The following DTX1 variants were observed in gnomAD, a reference collection of about 807,000 sequenced individuals.
DTX1 encodes the protein deltex E3 ubiquitin ligase 1.
A neutral mutation model predicts 57.8 loss-of-function variants in DTX1; 26 were observed. The observed-to-expected ratio is 0.45, with a 90% CI of 0.33 to 0.62. DTX1 has a LOEUF of 0.62. Ranked by LOEUF, DTX1 falls within the 20% of genes least tolerant of loss-of-function variation. DTX1 has a pLI of 0.02. For synonymous variants in DTX1, 398 were observed against 394.1 expected (o/e 1.01, Z -0.12); for missense variants, 704 against 895.3 (o/e 0.79, Z 2.73).
chr12:113,057,338 C>G (rs937358458), intron 1 of DTX1, 111 bp from the exon 2 acceptor site: 2 of 152,688 alleles, frequency 1.3e-5, no homozygotes, highest in African/African-American at 4.8e-5. Context: ...GCCCCCCTTG[C>G]TGTCCCCCTT....
At chr12:113,068,864 A>G (rs1056560090) in intron 2 of DTX1, among the ~76,000 whole-genome samples, 5 of 152,224 alleles carry the variant, frequency 3.3e-5, no homozygotes, top group African/African-American at 1.2e-4. Context: ...GAGGGCTGAC[A>G]GTGGAAGTCG....
rs1950267877 is a variant in DTX1, at chr12:113,094,111, ATGGGGGGGC to A, written c.1227+19_1227+27del. On this transcript the variant is annotated intron_variant, in intron 6 of 9. Coordinates refer to ENST00000548759, the MANE Select transcript of DTX1 (RefSeq NM_004416.3). ...ACCCACCTGATGAGGTGAGGAGGGG[ATGGGGGGGC>A]TGGGGGAGGGCCCTGGCATGGAGGG... 1.4e-5 allele frequency: 8 copies of A among 562,310 alleles called. No individual in the cohort carries two copies. Among genetic ancestry groups the A allele is most frequent in the Non-Finnish European group, 2.6e-5 (8 of 308,912 alleles). The allele number at this position is 562,310 out of a possible 1,614,324, so 34.8% of individuals were successfully genotyped here.
chr12:113,060,652 A>G (rs1432288666), intron 2 of DTX1, among the ~76,000 whole-genome samples: 1 of 152,212 alleles, frequency 6.6e-6, no homozygotes, highest in African/African-American at 2.4e-5. Context: ...CAGCCACGCA[A>G]AGAACTTTGA....
intron 2 of DTX1, among the ~76,000 whole-genome samples, chr12:113,067,209 T>A (rs1285480866): frequency 6.6e-6 from 1 of 151,436 alleles, no homozygotes; most frequent in East Asian, 2.0e-4. Context: ...CTTTGTCCCC[T>A]CCCCCTCCAA....
intron 2 of DTX1, among the ~76,000 whole-genome samples, chr12:113,076,458 G>GAAA (rs56382675): frequency 1.6e-5 from 2 of 126,520 alleles, no homozygotes; most frequent in African/African-American, 2.9e-5. Context: ...ACTCTGCCTG[G>GAAA]AAAAAAAAAA....
At chr12:113,066,920 C>T (rs737633) in intron 2 of DTX1, among the ~76,000 whole-genome samples, 22,859 of 151,974 alleles carry the variant, frequency 0.15, 2,365 homozygotes, top group Middle Eastern at 0.33. Context: ...CCTCTAGGTC[C>T]CGCATAGTTG....
In DTX1 at chr12:113,077,289, A is replaced by G. The variant is rs2044778892; in HGVS notation, c.260-135A>G. 6.9e-6 allele frequency: 7 copies of G among 1,008,602 alleles called. No individual in the cohort carries two copies. The highest frequency in any genetic ancestry group is 9.9e-6 in the Non-Finnish European group (7 of 708,886). The allele number at this position is 1,008,602 out of a possible 1,614,324, so 62.5% of individuals were successfully genotyped here. A position where few individuals can be genotyped will look rare whatever the true frequency, so the allele number is the denominator to read the frequency against. ...CGTGCATGTGTTGACCCTCTCCCCA[A>G]GTCTGGGTGGACCCCCTGGAGGCCT... On this transcript the variant is annotated intron_variant, in intron 2 of 9. Transcript: ENST00000548759. The surrounding 1 kb of genome is among the most constrained non-coding windows in gnomAD (Gnocchi z 7.8).
chr12:113,095,989 C>T (rs532533831), intron 9 of DTX1, among the ~76,000 whole-genome samples: 6 of 152,222 alleles, frequency 3.9e-5, no homozygotes, highest in South Asian at 4.1e-4. Context: ...GGGCAGATCA[C>T]GAGATCAGGA....
chr12:113,092,882 G>T (rs1310039715), intron 3 of DTX1, among the ~76,000 whole-genome samples: 1 of 152,238 alleles, frequency 6.6e-6, no homozygotes, highest in African/African-American at 2.4e-5. Context: ...GAGCCAAAGC[G>T]CCCTCTCGAG....
intron 3 of DTX1, among the ~76,000 whole-genome samples, chr12:113,087,777 T>C (rs2044873369): frequency 6.6e-6 from 1 of 151,042 alleles, no homozygotes; most frequent in Non-Finnish European, 1.5e-5. Context: ...ACCTGGAAAC[T>C]AGCATCAGAG....
chr12:113,095,600 A>C (rs1324321378), intron 9 of DTX1, 186 bp downstream of exon 9: 8 of 716,320 alleles, frequency 1.1e-5, no homozygotes, highest in Non-Finnish European at 1.8e-5. Context: ...TGAGCCACTG[A>C]GGTCAAGATC....
intron 3 of DTX1, among the ~76,000 whole-genome samples, chr12:113,084,208 G>A (rs993865301): frequency 6.6e-6 from 1 of 152,230 alleles, no homozygotes; most frequent in African/African-American, 2.4e-5. Context: ...ACCTGCGGGG[G>A]TGGGGAAGAT....
chr12:113,067,712 C>G (rs2136426151), intron 2 of DTX1, among the ~76,000 whole-genome samples: 1 of 152,296 alleles, frequency 6.6e-6, no homozygotes, highest in Non-Finnish European at 1.5e-5. Context: ...TTTCTGAAAT[C>G]TGGACTGGTG....
intron 3 of DTX1, among the ~76,000 whole-genome samples, chr12:113,080,949 TGA>T (rs1358399451): frequency 6.7e-6 from 1 of 148,784 alleles, no homozygotes; most frequent in Admixed American, 6.8e-5. Flanking sequence ...CACTGCAGCC[TGA>T]GAGACAGAGC....
At chr12:113,094,392 C>G (rs1243061156) in intron 6 of DTX1, among the ~76,000 whole-genome samples, 1 of 152,122 alleles carries the variant, frequency 6.6e-6, no homozygotes, top group East Asian at 1.9e-4. Context: ...GGGGAGCCAT[C>G]TTCCTCTGTG....
intron 2 of DTX1, among the ~76,000 whole-genome samples, chr12:113,071,258 C>A (rs1049051263): frequency 6.6e-6 from 1 of 152,348 alleles, no homozygotes; most frequent in Non-Finnish European, 1.5e-5. Flanking sequence ...TGGCCGCCCC[C>A]ACACCCGGTC....
At chr12:113,070,085 C>T (rs543444604) in intron 2 of DTX1, among the ~76,000 whole-genome samples, 23 of 152,282 alleles carry the variant, frequency 1.5e-4, no homozygotes, top group African/African-American at 5.1e-4. Flanking sequence ...AGATGGCATC[C>T]GGTGTGCTCC....
Position 113,059,908 on chromosome 12 carries a change from T to C in DTX1, c.259+1457T>C, listed in dbSNP as rs144805307. Among the ~76,000 whole-genome samples, 24 of 152,332 alleles carry C rather than the reference T, an allele frequency of 1.6e-4. No individual in the cohort carries two copies. In the East Asian group the frequency reaches 2.7e-3, roughly 17 times the overall value. ...AGTGCTCATAGCCACATGTGTCTTG[T>C]GGTACCTTGTGGGCCAGTGTAGATC... is the stretch of plus-strand genomic sequence containing the variant. On this transcript the variant is annotated intron_variant, in intron 2 of 9. Coordinates refer to ENST00000548759, the MANE Select transcript of DTX1 (RefSeq NM_004416.3).
chr12:113,097,193 GC>G lies in DTX1; in HGVS notation c.*259del. Reference sequence around the variant, plus strand: ...CTCCCTACCAAAAAGACAGAGACCCGCCCCCTCACACACAAACACACATGTC... The same window carrying G: ...CTCCCTACCAAAAAGACAGAGACCCGCCCCTCACACACAAACACACATGTC... On this transcript the variant is annotated 3_prime_UTR_variant, in exon 10 of 10. Coordinates refer to ENST00000548759, the MANE Select transcript of DTX1 (RefSeq NM_004416.3). 3.9e-6 allele frequency: 2 copies of G among 507,610 alleles called. No individual in the cohort carries two copies. The highest frequency in any genetic ancestry group is 7.1e-6 in the Non-Finnish European group (2 of 281,922). The allele number at this position is 507,610 out of a possible 1,614,324, so 31.4% of individuals were successfully genotyped here.
Sources: allele counts gnomAD v4.1 joint callset (sites outside exome capture counted in the v4.1 genomes callset), GRCh38; gene constraint gnomAD v4.1.1; non-coding constraint Gnocchi (gnomAD v3.1); transcripts MANE v1.5; gene names NCBI Gene and HGNC (gene_info 2026-07-23, HGNC 2026-07-21).